KCTD5: variants seen among roughly 807,000 people sequenced by gnomAD.
The protein encoded by KCTD5 is BTB/POZ domain-containing protein KCTD5.
A neutral mutation model predicts 27.9 loss-of-function variants in KCTD5; 12 were observed. The observed-to-expected ratio is 0.43, with a 90% CI of 0.28 to 0.70. The LOEUF (loss-of-function observed/expected upper bound fraction) is 0.70, where lower values mean the gene tolerates loss of function less well. KCTD5 is among the 30% of genes least tolerant of loss of function. The pLI, the probability that KCTD5 is intolerant of heterozygous loss-of-function variation, is 0.19. For missense variants in KCTD5, 226 were observed against 274.8 expected (o/e 0.82, Z 1.26); for synonymous variants, 147 against 121.4 (o/e 1.21, Z -1.39).
At position 2,707,530 on chromosome 16, in the gene KCTD5, G is replaced by C; in HGVS notation, c.*203G>C. On this transcript the variant is annotated 3_prime_UTR_variant, in exon 6 of 6. Coordinates refer to ENST00000301738, the MANE Select transcript of KCTD5 (RefSeq NM_018992.4). The stretch of plus-strand genomic sequence containing the variant: ...AAGGCCAGACGTCCCCAAGTTGGGG[G>C]AGCACGGCGGCCGGGTGGGCGCTGC... 1 of 683,108 alleles carries C rather than the reference G, an allele frequency of 1.5e-6. No homozygotes were observed. The highest frequency in any genetic ancestry group is 2.6e-6 in the Non-Finnish European group (1 of 377,390). 42.3% of individuals were successfully genotyped at this position (683,108 alleles called of 1,614,324 possible).
In KCTD5 at chr16:2,707,735, A is replaced by C; in HGVS notation, c.*408A>C. 3 of 459,394 alleles carry C rather than the reference A, an allele frequency of 6.5e-6. No homozygotes were observed. 28.5% of individuals were successfully genotyped at this position (459,394 alleles called of 1,614,324 possible). On this transcript the variant is annotated 3_prime_UTR_variant, in exon 6 of 6. Coordinates refer to ENST00000301738, the MANE Select transcript of KCTD5 (RefSeq NM_018992.4). ...AGCGGCCGCAGCCGCGTCAGTGTCCAGCACGTCGTGGCCTCTGGTCCGACC... is the reference window on the plus strand; with the variant it reads ...AGCGGCCGCAGCCGCGTCAGTGTCCCGCACGTCGTGGCCTCTGGTCCGACC...
At chr16:2,706,196 G>A (rs1054414000) in intron 5 of KCTD5, among the ~76,000 whole-genome samples, 1 of 152,332 alleles carries the variant, frequency 6.6e-6, no homozygotes, top group East Asian at 1.9e-4. Flanking sequence ...GAGCTGTTGG[G>A]GGGTGGAGTA....
Position 2,697,966 on chromosome 16 carries a change from A to G in KCTD5, c.422A>G (p.Lys141Arg), listed in dbSNP as rs781571774. Residue 141 changes from lysine (K) to arginine (R), a missense_variant, in exon 3 of 6, where the codon AAA (lysine) becomes AGA (arginine). Physicochemically the swap from Lys to Arg is conservative, Grantham distance 26. Transcript: ENST00000301738. ...ITSLIKLVKD[K>R]IRERDSKTSQ... Reference sequence around the variant, plus strand: ...TCATTAATAAAACTTGTAAAGGACAAAATTAGAGAACGAGACAGCAAAACA... The same window carrying G: ...TCATTAATAAAACTTGTAAAGGACAGAATTAGAGAACGAGACAGCAAAACA... The G allele has an allele frequency of 8.7e-6, 14 of 1,612,388 alleles. No individual in the cohort carries two copies. The highest frequency in any genetic ancestry group is 1.1e-5 in the Non-Finnish European group (13 of 1,178,562).
chr16:2,699,964 TG>T, intron 4 of KCTD5, 48 bp downstream of exon 4: 2 of 1,543,580 alleles, frequency 1.3e-6, no homozygotes, highest in Non-Finnish European at 1.8e-6. Context: ...CAGCTGAACT[TG>T]TGCTCACAAT....
At chr16:2,703,878 C>T (rs879413024) in intron 5 of KCTD5, among the ~76,000 whole-genome samples, 2 of 152,280 alleles carry the variant, frequency 1.3e-5, no homozygotes, top group African/African-American at 2.4e-5. Flanking sequence ...ATCTAGGAGG[C>T]GACCCCTGGC....
chr16:2,704,086 C>A (rs2067624136), intron 5 of KCTD5, among the ~76,000 whole-genome samples: 1 of 152,258 alleles, frequency 6.6e-6, no homozygotes, highest in African/African-American at 2.4e-5. Context: ...TGTGAGGAAG[C>A]TCCAGGCATG....
At chr16:2,682,947 C>A (rs1216835778) in intron 1 of KCTD5, 147 bp downstream of exon 1, 4 of 1,040,070 alleles carry the variant, frequency 3.8e-6, no homozygotes, top group South Asian at 3.9e-5. Context: ...TCGCCAGCTC[C>A]TCCCCAGCTT....
chr16:2,696,779 G>C (rs1596223376), intron 2 of KCTD5, among the ~76,000 whole-genome samples: 1 of 152,264 alleles, frequency 6.6e-6, no homozygotes, highest in Non-Finnish European at 1.5e-5. Context: ...AGTTCACGCG[G>C]GGCGTGGAGT....
chr16:2,691,827 A>G (rs963621737), intron 1 of KCTD5, among the ~76,000 whole-genome samples: 3 of 152,158 alleles, frequency 2.0e-5, no homozygotes, highest in African/African-American at 7.2e-5. Context: ...TCCTAACTGG[A>G]TGCACGTGGG....
At chr16:2,698,943 G>A (rs181183328) in intron 3 of KCTD5, among the ~76,000 whole-genome samples, 21 of 152,362 alleles carry the variant, frequency 1.4e-4, no homozygotes, top group Non-Finnish European at 2.9e-4. Flanking sequence ...TATGACGCAG[G>A]TGGGCAGGAA....
At chr16:2,702,928 G>GACATGGGGGGCCA (rs1231665485) in intron 5 of KCTD5, among the ~76,000 whole-genome samples, 1 of 152,070 alleles carries the variant, frequency 6.6e-6, no homozygotes, top group African/African-American at 2.4e-5. Context: ...TGAGTGCAGG[G>GACATGGGGGGCCA]GTGGGTACCC....
Position 2,699,826 on chromosome 16 carries a change from T to C in KCTD5, c.459T>C (p.Pro153=), listed in dbSNP as rs1204014615. 6.2e-7 allele frequency: 1 copy of C among 1,613,150 alleles called. No homozygotes were observed. The highest frequency in any genetic ancestry group is 8.5e-7 in the Non-Finnish European group (1 of 1,179,596). Residue 153 remains proline (P), a synonymous_variant, in exon 4 of 6, where the codon CCT becomes CCC. Transcript: ENST00000301738. ...RERDSKTSQV[P]VKHVYRVLQC... ...TGTGCCCATTGTCCTTGCAGGTGCCTGTGAAGCATGTGTACCGTGTGCTGC... is the reference window on the plus strand; with the variant it reads ...TGTGCCCATTGTCCTTGCAGGTGCCCGTGAAGCATGTGTACCGTGTGCTGC...
chr16:2,702,666 C>T (rs2067617663), intron 5 of KCTD5, among the ~76,000 whole-genome samples, 188 bp downstream of exon 5: 1 of 152,228 alleles, frequency 6.6e-6, no homozygotes, highest in Non-Finnish European at 1.5e-5. Context: ...CAGTAAGCCC[C>T]TGCGGCCTCC....
chr16:2,697,059 C>G (rs1331229220), intron 2 of KCTD5: 1 of 152,454 alleles, frequency 6.6e-6, no homozygotes, highest in Non-Finnish European at 1.5e-5. Context: ...GATGCAGCCA[C>G]TCACGCCCTG....
chr16:2,707,527 G>T lies in KCTD5; in HGVS notation c.*200G>T. ...TCCAAGGCCAGACGTCCCCAAGTTG[G>T]GGGAGCACGGCGGCCGGGTGGGCGC... On this transcript the variant is annotated 3_prime_UTR_variant, in exon 6 of 6. Coordinates refer to ENST00000301738, the MANE Select transcript of KCTD5 (RefSeq NM_018992.4). 1 of 690,244 alleles carries T rather than the reference G, an allele frequency of 1.4e-6. No individual in the cohort carries two copies. Among genetic ancestry groups the T allele is most frequent in the Non-Finnish European group, 2.6e-6 (1 of 381,296 alleles). 42.8% of individuals were successfully genotyped at this position (690,244 alleles called of 1,614,324 possible).
At chr16:2,693,781 G>T (rs1318940317) in intron 1 of KCTD5, among the ~76,000 whole-genome samples, 1 of 152,034 alleles carries the variant, frequency 6.6e-6, no homozygotes, top group East Asian at 1.9e-4. Flanking sequence ...CCTGCCACAG[G>T]TTGGGTGCCC....
chr16:2,697,224 T>C (rs2067590492), intron 2 of KCTD5: 1 of 152,538 alleles, frequency 6.6e-6, no homozygotes, highest in Non-Finnish European at 1.5e-5. Flanking sequence ...TGGGTTCCTC[T>C]GGGGTCCTGG....
chr16:2,687,936 C>G (rs1214241910), intron 1 of KCTD5, among the ~76,000 whole-genome samples: 1 of 152,052 alleles, frequency 6.6e-6, no homozygotes, highest in Non-Finnish European at 1.5e-5. Flanking sequence ...CTAGAACATT[C>G]TGGCCTGGGG....
chr16:2,700,669 G>T (rs968889611), intron 4 of KCTD5, among the ~76,000 whole-genome samples: 2 of 152,210 alleles, frequency 1.3e-5, no homozygotes, highest in Admixed American at 6.5e-5. Flanking sequence ...TTCTGTCTGG[G>T]GCAGGTTCTG....
Sources: gnomAD v4.1 joint callset for allele counts (sites outside exome capture counted in the v4.1 genomes callset) on GRCh38, gnomAD v4.1.1 for gene constraint, MANE v1.5 for transcripts, NCBI Gene and HGNC (gene_info 2026-07-23, HGNC 2026-07-21) for gene names.